The following PRKG1 variants were observed in gnomAD, a reference collection of about 807,000 sequenced individuals.
PRKG1 encodes protein kinase cGMP-dependent 1.
PRKG1 carries 35 observed loss-of-function variants against 88.1 expected under a neutral mutation model. The observed-to-expected ratio is 0.40, with a 90% confidence interval of 0.30 to 0.53. PRKG1 has a LOEUF of 0.53. PRKG1 is among the 20% of genes least tolerant of loss of function. The pLI is 0.59. For missense variants in PRKG1, 540 were observed against 839.8 expected (o/e 0.64, Z 4.41); for synonymous variants, 303 against 292.5 (o/e 1.04, Z -0.37).
At chr10:51,626,303 T>C (rs1839336015) in intron 3 of PRKG1, among the ~76,000 whole-genome samples, 1 of 152,218 alleles carries the variant, frequency 6.6e-6, no homozygotes, top group African/African-American at 2.4e-5. Flanking sequence ...ATGTGAAATG[T>C]ACAATTTTGT....
rs929202464 is a variant in PRKG1 at position 52,061,067 on chromosome 10, C to T, written c.841-1470C>T. ...TAACCTTTATTTTAGATCAGACTCC[C>T]TACTGAAGTTTCTGCATCTATAAAA... On this transcript the variant is annotated intron_variant, in intron 6 of 17. Transcript: ENST00000373980. Among the ~76,000 whole-genome samples, 5 of 152,040 alleles carry T rather than the reference C, an allele frequency of 3.3e-5. 1 individual carries two copies. The highest frequency in any genetic ancestry group is 6.8e-3 in the Middle Eastern group (2 of 294).
intron 9 of PRKG1, among the ~76,000 whole-genome samples, chr10:52,228,903 C>T (rs10508962): frequency 0.11 from 16,753 of 152,190 alleles, 1,487 homozygotes; most frequent in African/African-American, 0.24. Flanking sequence ...ATTCCAATGG[C>T]TTATCATGTC....
chr10:51,879,543 G>C (rs1841384464), intron 4 of PRKG1, among the ~76,000 whole-genome samples: 1 of 152,210 alleles, frequency 6.6e-6, no homozygotes, highest in African/African-American at 2.4e-5. Flanking sequence ...CACTTTCTCT[G>C]AGGTTTTCTT....
intron 3 of PRKG1, among the ~76,000 whole-genome samples, chr10:51,649,111 TTTTGGCGCTACA>T (rs1338312080): frequency 1.3e-5 from 2 of 152,206 alleles, no homozygotes; most frequent in Non-Finnish European, 2.9e-5. Flanking sequence ...AGTTCTGCGT[TTTTGGCGCTACA>T]TTTTTGCCCT....
intron 5 of PRKG1, among the ~76,000 whole-genome samples, chr10:51,997,497 A>G (rs1844480119): frequency 6.6e-6 from 1 of 151,746 alleles, no homozygotes; most frequent in Non-Finnish European, 1.5e-5. Context: ...GAAAGAAATA[A>G]GTTAAAGAGA....
intron 9 of PRKG1, among the ~76,000 whole-genome samples, chr10:52,171,786 A>ATTTTTTTTTTTTTTTTTTTTT (rs545195374): frequency 5.3e-5 from 5 of 93,854 alleles, no homozygotes; most frequent in African/African-American, 2.1e-4. Flanking sequence ...TTTTATCAAA[A>ATTTTTTTTTTTTTTTTTTTTT]TTTTTTTTTT....
intron 3 of PRKG1, among the ~76,000 whole-genome samples, chr10:51,581,012 G>T (rs183455985): frequency 0.012 from 1,857 of 152,134 alleles, 16 homozygotes; most frequent in Non-Finnish European, 0.018. Context: ...GTCCAGGGGG[G>T]GGTCACTGCC....
chr10:52,232,773 TCACTGGA>T (rs1840557070), intron 9 of PRKG1, among the ~76,000 whole-genome samples: 1 of 152,198 alleles, frequency 6.6e-6, no homozygotes, highest in South Asian at 2.1e-4. Context: ...CTAGCATACT[TCACTGGA>T]CACTGCTCCA....
At chr10:51,241,705 C>A (rs1589272326) in intron 2 of PRKG1, among the ~76,000 whole-genome samples, 3 of 152,146 alleles carry the variant, frequency 2.0e-5, no homozygotes, top group East Asian at 3.8e-4. Context: ...CTGCCAAAGT[C>A]TCTCTTTTTT....
chr10:52,258,512 A>G (rs1841358524), intron 10 of PRKG1, among the ~76,000 whole-genome samples: 1 of 151,842 alleles, frequency 6.6e-6, no homozygotes, highest in Non-Finnish European at 1.5e-5. Context: ...TTTACAGGAA[A>G]GAAGACAAGA....
chr10:51,843,531 G>T (rs1840330956), intron 4 of PRKG1, among the ~76,000 whole-genome samples: 1 of 152,172 alleles, frequency 6.6e-6, no homozygotes, highest in African/African-American at 2.4e-5. Flanking sequence ...AAAAAGGCAG[G>T]TCAAGTCTTA....
chr10:52,130,227 T>C (rs568239424), intron 7 of PRKG1, among the ~76,000 whole-genome samples: 2 of 152,346 alleles, frequency 1.3e-5, no homozygotes, highest in South Asian at 2.1e-4. Context: ...CACCTGGCTT[T>C]AGGCCATACT....
At chr10:52,110,014 A>T (rs561610026) in intron 7 of PRKG1, among the ~76,000 whole-genome samples, 1 of 151,740 alleles carries the variant, frequency 6.6e-6, no homozygotes, top group Non-Finnish European at 1.5e-5. Flanking sequence ...GATGTACCAG[A>T]TGCTCACTGG....
intron 5 of PRKG1, chr10:51,909,536 C>A (rs984039349): frequency 6.6e-6 from 1 of 151,568 alleles, no homozygotes; most frequent in Non-Finnish European, 1.5e-5. Context: ...GGAGTCCTGA[C>A]AAAATATTGA....
chr10:51,061,330 G>A (rs1182722956), intron 1 of PRKG1, among the ~76,000 whole-genome samples: 3 of 151,974 alleles, frequency 2.0e-5, no homozygotes, highest in Admixed American at 1.3e-4. Flanking sequence ...AGAATAGCAC[G>A]GGAAAAACCT....
intron 2 of PRKG1, among the ~76,000 whole-genome samples, chr10:51,420,692 T>G (rs192388839): frequency 4.5e-4 from 69 of 152,312 alleles, no homozygotes; most frequent in African/African-American, 1.6e-3. Context: ...CAGGTTGTAT[T>G]AGGCCGTTCT....
intron 4 of PRKG1, among the ~76,000 whole-genome samples, chr10:51,889,942 T>C (rs1237863208): frequency 1.3e-5 from 2 of 152,220 alleles, no homozygotes; most frequent in Non-Finnish European, 2.9e-5. Context: ...GAGTTCTTTG[T>C]AGATTCTGGA....
At chr10:52,082,968 A>G (rs1846817335) in intron 7 of PRKG1, among the ~76,000 whole-genome samples, 1 of 152,144 alleles carries the variant, frequency 6.6e-6, no homozygotes, top group African/African-American at 2.4e-5. Flanking sequence ...TTAGAGATAT[A>G]TGCTGGATAT....
intron 3 of PRKG1, among the ~76,000 whole-genome samples, chr10:51,618,051 A>G (rs1050768732): frequency 6.6e-6 from 1 of 152,194 alleles, no homozygotes. Flanking sequence ...ATCTGTCCCA[A>G]GAGAAGGTCT....
Sources: allele counts gnomAD v4.1 joint callset (sites outside exome capture counted in the v4.1 genomes callset), GRCh38; gene constraint gnomAD v4.1.1; transcripts MANE v1.5; gene names NCBI Gene and HGNC (gene_info 2026-07-23, HGNC 2026-07-21).